The following SH3RF3 variants were observed in gnomAD, a reference collection of about 807,000 sequenced individuals.
SH3RF3 encodes the protein SH3 domain containing ring finger 3.
SH3RF3 carries 29 observed loss-of-function variants against 66.3 expected under a neutral mutation model. The ratio of observed to expected loss-of-function variants is 0.44; its 90% confidence interval spans 0.33 to 0.60. SH3RF3 has a LOEUF of 0.60. SH3RF3 is among the 20% of genes least tolerant of loss of function. The pLI, the probability that SH3RF3 is intolerant of heterozygous loss-of-function variation, is 0.04. For missense variants in SH3RF3, 1,194 were observed against 1,190.9 expected (o/e 1.00, Z -0.04); for synonymous variants, 583 against 532.0 (o/e 1.10, Z -1.32).
chr2:109,189,396 G>A (rs965028960), intron 1 of SH3RF3, among the ~76,000 whole-genome samples: 5 of 148,680 alleles, frequency 3.4e-5, no homozygotes, highest in Non-Finnish European at 5.9e-5. Flanking sequence ...TTTTTGAGAC[G>A]GAGTCTCTGT....
At chr2:109,153,700 C>A (rs1677272750) in intron 1 of SH3RF3, among the ~76,000 whole-genome samples, 1 of 152,190 alleles carries the variant, frequency 6.6e-6, no homozygotes, top group African/African-American at 2.4e-5. Context: ...GATCTAGTCT[C>A]CAGGGTGTGT....
intron 1 of SH3RF3, among the ~76,000 whole-genome samples, chr2:109,275,648 A>G (rs955725477): frequency 1.3e-5 from 2 of 152,180 alleles, no homozygotes; most frequent in Non-Finnish European, 2.9e-5. Flanking sequence ...TTCCAAGTTC[A>G]AGGATTAGCT....
Position 109,210,721 on chromosome 2 carries a change from C to T in SH3RF3, c.573+80608C>T, listed in dbSNP as rs538076339. On this transcript the variant is annotated intron_variant, in intron 1 of 9. Transcript: ENST00000309415. Reference sequence around the variant, plus strand: ...GGTTGGGTTTTCCTCCCGGGGTTCTCTCTGGGTGTAGGCAGGGAGGAAAGG... The same window carrying T: ...GGTTGGGTTTTCCTCCCGGGGTTCTTTCTGGGTGTAGGCAGGGAGGAAAGG... Among the ~76,000 whole-genome samples the T allele has an allele frequency of 1.1e-4, 16 of 152,306 alleles. No individual in the cohort carries two copies. The South Asian group carries it at 3.1e-3, about 30-fold the overall frequency.
chr2:109,216,722 G>C (rs1351973609), intron 1 of SH3RF3, among the ~76,000 whole-genome samples: 2 of 152,212 alleles, frequency 1.3e-5, no homozygotes, highest in East Asian at 1.9e-4. Context: ...ATGCTTGTCT[G>C]ATCATTTGCT....
chr2:109,472,283 G>C (rs765049035), intron 8 of SH3RF3, among the ~76,000 whole-genome samples: 1 of 151,894 alleles, frequency 6.6e-6, no homozygotes, highest in Non-Finnish European at 1.5e-5. Context: ...CCAGGAAGAC[G>C]GTGGCAGGAG....
At chr2:109,192,474 A>G (rs1678390348) in intron 1 of SH3RF3, among the ~76,000 whole-genome samples, 1 of 152,230 alleles carries the variant, frequency 6.6e-6, no homozygotes, top group Non-Finnish European at 1.5e-5. Flanking sequence ...TTTAATTTGT[A>G]TTAGCCTGGT....
At chr2:109,164,010 G>A (rs1413100585) in intron 1 of SH3RF3, among the ~76,000 whole-genome samples, 1 of 151,950 alleles carries the variant, frequency 6.6e-6, no homozygotes, top group Non-Finnish European at 1.5e-5. Flanking sequence ...GCTTTAGTTT[G>A]TTTGTTACAA....
chr2:109,470,443 G>A lies in SH3RF3; in HGVS notation c.2149-20162G>A, dbSNP rs1008163911. On this transcript the variant is annotated intron_variant, in intron 8 of 9. Coordinates refer to ENST00000309415, the MANE Select transcript of SH3RF3 (RefSeq NM_001099289.3). ...CAGAATTTGCTCTTCCTTATTGCACGTCTGGGGAGACACCACCCACTTGAG... is the reference window on the plus strand; with the variant it reads ...CAGAATTTGCTCTTCCTTATTGCACATCTGGGGAGACACCACCCACTTGAG... Among the ~76,000 whole-genome samples the A allele has an allele frequency of 4.6e-5, 7 of 152,286 alleles. No individual in the cohort carries two copies. In the South Asian group the frequency reaches 1.0e-3, roughly 23 times the overall value.
In SH3RF3 at chr2:109,249,844, T is replaced by G. The variant is rs192237006; in HGVS notation, c.574-97830T>G. ...GCTAATTTTTTGTTTTATTTATTTA[T>G]TTTTTAATTTTTTTATTTTTTAGTA... On this transcript the variant is annotated intron_variant, in intron 1 of 9. Transcript: ENST00000309415. 5.3e-5 allele frequency among the ~76,000 whole-genome samples: 8 copies of G among 151,660 alleles called. 1 individual carries two copies. The East Asian group carries it at 1.2e-3, about 22-fold the overall frequency.
chr2:109,402,181 G>T (rs140098383), intron 4 of SH3RF3, among the ~76,000 whole-genome samples: 94 of 152,374 alleles, frequency 6.2e-4, no homozygotes, highest in Non-Finnish European at 1.1e-3. Flanking sequence ...GTCTGCCCCT[G>T]CTCTGCACTG....
At chr2:109,471,121 G>C (rs944870595) in intron 8 of SH3RF3, among the ~76,000 whole-genome samples, 2 of 145,876 alleles carry the variant, frequency 1.4e-5, no homozygotes, top group Non-Finnish European at 3.0e-5. Context: ...TTGGGAGGCT[G>C]AGAATCACTT....
intron 3 of SH3RF3, among the ~76,000 whole-genome samples, chr2:109,377,735 C>A (rs4074384): frequency 0.35 from 53,696 of 152,056 alleles, 9,621 homozygotes; most frequent in South Asian, 0.42. Flanking sequence ...GATAGCGTGC[C>A]TCATCAGACC....
At chr2:109,173,614 C>T (rs779906544) in intron 1 of SH3RF3, among the ~76,000 whole-genome samples, 2 of 152,110 alleles carry the variant, frequency 1.3e-5, no homozygotes, top group African/African-American at 2.4e-5. Flanking sequence ...CAGTGGTTAC[C>T]GTCTGGCCCT....
At chr2:109,369,425 C>A (rs2105670405) in intron 2 of SH3RF3, among the ~76,000 whole-genome samples, 1 of 152,318 alleles carries the variant, frequency 6.6e-6, no homozygotes, top group African/African-American at 2.4e-5. Context: ...TGCTAAATGC[C>A]CCCAGACCTG....
intron 1 of SH3RF3, among the ~76,000 whole-genome samples, chr2:109,218,890 G>A (rs1679161968): frequency 2.0e-5 from 3 of 152,158 alleles, no homozygotes; most frequent in African/African-American, 7.2e-5. Context: ...ATATATAGGT[G>A]GAGAAAGACA....
intron 1 of SH3RF3, among the ~76,000 whole-genome samples, chr2:109,189,104 T>C (rs1023214023): frequency 5.3e-5 from 8 of 152,108 alleles, no homozygotes; most frequent in Non-Finnish European, 1.5e-5. Context: ...CTGAGAGAGA[T>C]GCCTCCACTG....
At chr2:109,456,055 C>G (rs766721020) in intron 8 of SH3RF3, among the ~76,000 whole-genome samples, 38 of 152,238 alleles carry the variant, frequency 2.5e-4, no homozygotes, top group Middle Eastern at 3.2e-3. Context: ...CAGGTGCAGC[C>G]ACAGTCTGAT....
chr2:109,326,491 GCCCTTGCCGACA>G (rs1682159897), intron 1 of SH3RF3, among the ~76,000 whole-genome samples: 1 of 152,092 alleles, frequency 6.6e-6, no homozygotes, highest in East Asian at 1.9e-4. Context: ...TTCCTTCTGC[GCCCTTGCCGACA>G]CTTGCTGTTG....
chr2:109,267,088 T>C (rs896616171), intron 1 of SH3RF3, among the ~76,000 whole-genome samples: 1 of 152,188 alleles, frequency 6.6e-6, no homozygotes, highest in Admixed American at 6.5e-5. Context: ...GCACCCTGAA[T>C]GCCTCTGGTC....
Sources: allele counts gnomAD v4.1 joint callset (sites outside exome capture counted in the v4.1 genomes callset), GRCh38; gene constraint gnomAD v4.1.1; transcripts MANE v1.5; gene names NCBI Gene and HGNC (gene_info 2026-07-23, HGNC 2026-07-21).